Variants in ADAMTS16 observed in about 807,000 individuals in gnomAD.
ADAMTS16 encodes ADAM metallopeptidase with thrombospondin type 1 motif 16.
Under a neutral mutation model 145.8 loss-of-function variants are expected in ADAMTS16, and 94 were observed. The ratio of observed to expected loss-of-function variants is 0.64; its 90% confidence interval spans 0.55 to 0.77. The LOEUF is 0.77. Among genes scored for constraint, ADAMTS16 ranks in the 30% least tolerant of loss-of-function variants. ADAMTS16 has a pLI of 0.00. For synonymous variants in ADAMTS16, 659 were observed against 604.3 expected, an observed-to-expected ratio of 1.09 and a Z score of -1.33; for missense variants, 1,585 against 1,591.5, an observed-to-expected ratio of 1.00 and a Z score of 0.07.
intron 18 of ADAMTS16, among the ~76,000 whole-genome samples, chr5:5,294,818 T>G (rs1579391027): frequency 6.6e-6 from 1 of 151,868 alleles, no homozygotes; most frequent in African/African-American, 2.4e-5. Flanking sequence ...GAAGGGCAGG[T>G]GACAGGAAAG....
At chr5:5,270,002 C>G (rs1472436661) in intron 18 of ADAMTS16, among the ~76,000 whole-genome samples, 53 of 152,132 alleles carry the variant, frequency 3.5e-4, no homozygotes, top group Non-Finnish European at 7.3e-5. Flanking sequence ...CTGGAGCCCT[C>G]CATCCGATGG....
At chr5:5,313,704 T>C (rs930303481) in intron 21 of ADAMTS16, among the ~76,000 whole-genome samples, 14 of 152,340 alleles carry the variant, frequency 9.2e-5, no homozygotes, top group Middle Eastern at 3.4e-3. Flanking sequence ...ATGAATTTGA[T>C]TTTCCACCGT....
chr5:5,168,915 G>A (rs934772435), intron 3 of ADAMTS16, among the ~76,000 whole-genome samples: 1 of 150,994 alleles, frequency 6.6e-6, no homozygotes, highest in Non-Finnish European at 1.5e-5. Flanking sequence ...TTGAATCTGG[G>A]ATAGCCCCTG....
In ADAMTS16 at chr5:5,186,255, G is replaced by C; in HGVS notation, c.963+4G>C. The stretch of plus-strand genomic sequence containing the variant: ...CGTGCTCACGATACTCAACATGGTA[G>C]GATCATCCTTCCAGTTGAGGCCACC... On this transcript the variant is annotated splice_donor_region_variant and intron_variant, in intron 5 of 22. Transcript: ENST00000274181. 6.2e-7 allele frequency: 1 copy of C among 1,612,748 alleles called. No homozygotes were observed. The highest frequency in any genetic ancestry group is 8.5e-7 in the Non-Finnish European group (1 of 1,179,932).
chr5:5,197,254 T>C (rs909807701), intron 8 of ADAMTS16, among the ~76,000 whole-genome samples: 13 of 152,218 alleles, frequency 8.5e-5, no homozygotes, highest in African/African-American at 3.1e-4. Context: ...TCTCAGTATA[T>C]CATTAATAAT....
In ADAMTS16 at chr5:5,262,668, G is replaced by T. The variant is rs576908386; in HGVS notation, c.2674G>T (p.Val892Leu). The T allele has an allele frequency of 1.2e-6, 2 of 1,613,800 alleles. No individual in the cohort carries two copies. The highest frequency in any genetic ancestry group is 1.7e-6 in the Non-Finnish European group (2 of 1,179,904). The change falls in exon 18 of 23, where the codon GTG becomes TTG. Residue 892 changes from valine to leucine, a missense_variant. By Grantham distance (32) the Val-to-Leu change is conservative. Transcript: ENST00000274181. The stretch of plus-strand genomic sequence containing the variant: ...ATCCTTGCCTGCAGGACAGATGACC[G>T]TGAGAGAGGGCTGCTACAGAGACCT... ...SVSCGGGQMT[V>L]REGCYRDLKF...
intron 3 of ADAMTS16, among the ~76,000 whole-genome samples, chr5:5,166,058 A>G (rs1304820845): frequency 6.6e-6 from 1 of 152,122 alleles, no homozygotes; most frequent in Non-Finnish European, 1.5e-5. Context: ...CACTGCCTTT[A>G]TTCTTTAAAA....
At chr5:5,196,399 G>T (rs1021382216) in intron 8 of ADAMTS16, among the ~76,000 whole-genome samples, 4 of 152,126 alleles carry the variant, frequency 2.6e-5, no homozygotes, top group African/African-American at 9.7e-5. Context: ...TTTGTCACCA[G>T]TCTGGGCCTC....
At chr5:5,165,904 G>A (rs992915047) in intron 3 of ADAMTS16, among the ~76,000 whole-genome samples, 4 of 152,162 alleles carry the variant, frequency 2.6e-5, no homozygotes, top group African/African-American at 9.7e-5. Flanking sequence ...GCCTGCCAGT[G>A]TGGCCGCCTC....
chr5:5,281,119 T>G (rs941072774), intron 18 of ADAMTS16, among the ~76,000 whole-genome samples: 1 of 152,326 alleles, frequency 6.6e-6, no homozygotes, highest in East Asian at 1.9e-4. Context: ...GCAGAAATGA[T>G]AGTAATTACT....
At position 5,269,806 on chromosome 5, in the gene ADAMTS16, C is replaced by T. The variant is rs1329595669; in HGVS notation, c.2789+7023C>T. 2.0e-5 allele frequency among the ~76,000 whole-genome samples: 3 copies of T among 152,164 alleles called. No individual in the cohort carries two copies. The highest frequency in any genetic ancestry group is 4.4e-5 in the Non-Finnish European group (3 of 68,042). ...AAGACATCCCTGCGTTCTGCTGTGT[C>T]CTATCTTCTACACTTGACTCTCTCA... On this transcript the variant is annotated intron_variant, in intron 18 of 22. Transcript: ENST00000274181. The surrounding 1 kb of genome is among the most constrained non-coding windows in gnomAD (Gnocchi z 4.3).
Position 5,318,190 on chromosome 5 carries a change from G to C in ADAMTS16, c.3468G>C (p.Gly1156=), listed in dbSNP as rs550478099. Residue 1156 remains glycine, a synonymous_variant, in exon 22 of 23, where the codon GGG becomes GGC. Transcript: ENST00000274181. Reference sequence around the variant, plus strand: ...CGAGGTCCGTGCAGTGCCTGGCTGGGGGCCGGCCGGCCTCAGGCTGCCTCC... The same window carrying C: ...CGAGGTCCGTGCAGTGCCTGGCTGGCGGCCGGCCGGCCTCAGGCTGCCTCC... ...VQTRSVQCLA[G]GRPASGCLLH... 21 of 1,561,946 alleles carry C rather than the reference G, an allele frequency of 1.3e-5. No individual in the cohort carries two copies. In the South Asian group the frequency reaches 2.4e-4, roughly 18 times the overall value.
At chr5:5,212,848 T>C (rs192719684) in intron 10 of ADAMTS16, among the ~76,000 whole-genome samples, 1 of 152,220 alleles carries the variant, frequency 6.6e-6, no homozygotes, top group Admixed American at 6.5e-5. Context: ...GTCTCATTTC[T>C]ATTTTGTTTC....
At chr5:5,203,215 CTTG>C (rs1451258795) in intron 9 of ADAMTS16, among the ~76,000 whole-genome samples, 2 of 152,302 alleles carry the variant, frequency 1.3e-5, no homozygotes, top group African/African-American at 2.4e-5. Flanking sequence ...AAGAAAGTCT[CTTG>C]TTGTTAAATT....
intron 18 of ADAMTS16, among the ~76,000 whole-genome samples, chr5:5,273,961 C>CT (rs1225144874): frequency 6.6e-6 from 1 of 152,046 alleles, no homozygotes; most frequent in Admixed American, 6.6e-5. Context: ...GTATTTTGTA[C>CT]TTTGAGTTTT....
At chr5:5,251,751 G>A (rs1737629428) in intron 17 of ADAMTS16, among the ~76,000 whole-genome samples, 1 of 152,230 alleles carries the variant, frequency 6.6e-6, no homozygotes, top group African/African-American at 2.4e-5. Context: ...CCCCAGGCCA[G>A]CAGATTCAGC....
At chr5:5,149,598 T>A (rs1326852112) in intron 3 of ADAMTS16, among the ~76,000 whole-genome samples, 2 of 152,234 alleles carry the variant, frequency 1.3e-5, no homozygotes, top group African/African-American at 4.8e-5. Flanking sequence ...TAATAGAGTT[T>A]CACCCTTTAC....
At chr5:5,189,439 C>T (rs1735596840) in intron 6 of ADAMTS16, among the ~76,000 whole-genome samples, 2 of 152,160 alleles carry the variant, frequency 1.3e-5, no homozygotes, top group South Asian at 2.1e-4. Context: ...TAAAGCTTTA[C>T]CAATTGACCC....
rs550250978 is a variant in ADAMTS16, at chr5:5,232,481, A to T, written c.1815A>T (p.Gly605=). The T allele has an allele frequency of 6.2e-7, 1 of 1,612,614 alleles. No individual in the cohort carries two copies. The highest frequency in any genetic ancestry group is 1.1e-5 in the South Asian group (1 of 91,018). ...WSPCSRTCGG[G]VSHRSRLCTN... is the part of the protein sequence containing the mutation. ...CATGCTCCAGGACCTGCGGAGGGGG[A>T]GTATCTCATAGGAGTCGCCTCTGCA... The change falls in exon 12 of 23, where the codon GGA becomes GGT. Residue 605 remains glycine (G), a synonymous_variant. Coordinates refer to ENST00000274181, the MANE Select transcript of ADAMTS16 (RefSeq NM_139056.4).
Sources: gnomAD v4.1 joint callset for allele counts (sites outside exome capture counted in the v4.1 genomes callset) on GRCh38, gnomAD v4.1.1 for gene constraint, Gnocchi (gnomAD v3.1) non-coding constraint, MANE v1.5 for transcripts, NCBI Gene and HGNC (gene_info 2026-07-23, HGNC 2026-07-21) for gene names.